The following ST8SIA6 variants were observed in gnomAD, a reference collection of about 807,000 sequenced individuals.
ST8SIA6 encodes ST8 alpha-N-acetyl-neuraminide alpha-2,8-sialyltransferase 6.
ST8SIA6 carries 39 observed loss-of-function variants against 33.6 expected under a neutral mutation model. The ratio of observed to expected loss-of-function variants is 1.16; its 90% confidence interval spans 0.90 to 1.52. The LOEUF is 1.52. Ranked by LOEUF, ST8SIA6 falls within the 40% of genes most tolerant of loss-of-function variation. ST8SIA6 has a pLI of 0.00. For missense variants in ST8SIA6, 441 were observed against 443.8 expected (o/e 0.99, Z 0.06); for synonymous variants, 172 against 167.2 (o/e 1.03, Z -0.22).
intron 5 of ST8SIA6, among the ~76,000 whole-genome samples, chr10:17,329,491 T>C (rs1341497691): frequency 6.6e-6 from 1 of 152,256 alleles, no homozygotes. Flanking sequence ...GAATGGTTCC[T>C]AGATACCTCA....
chr10:17,328,997 A>T (rs531041843), intron 5 of ST8SIA6, among the ~76,000 whole-genome samples: 1 of 152,296 alleles, frequency 6.6e-6, no homozygotes, highest in African/African-American at 2.4e-5. Flanking sequence ...TACCAGCCCA[A>T]CTGACAACAG....
chr10:17,412,612 G>T (rs1851488059), intron 2 of ST8SIA6, among the ~76,000 whole-genome samples: 1 of 152,090 alleles, frequency 6.6e-6, no homozygotes, highest in African/African-American at 2.4e-5. Context: ...GCTGCATCAC[G>T]GTATCCTTTT....
chr10:17,353,723 A>G (rs1849105289), intron 4 of ST8SIA6, among the ~76,000 whole-genome samples: 2 of 152,342 alleles, frequency 1.3e-5, no homozygotes, highest in South Asian at 4.1e-4. Context: ...TTTGAAAGGT[A>G]TCTCATTTGC....
intron 2 of ST8SIA6, among the ~76,000 whole-genome samples, chr10:17,400,448 C>A (rs1444073568): frequency 6.6e-6 from 1 of 152,160 alleles, no homozygotes; most frequent in African/African-American, 2.4e-5. Flanking sequence ...AGGAGAATTG[C>A]TTGAACCTAG....
At chr10:17,339,952 T>A (rs1848620855) in intron 4 of ST8SIA6, among the ~76,000 whole-genome samples, 1 of 152,172 alleles carries the variant, frequency 6.6e-6, no homozygotes, top group African/African-American at 2.4e-5. Context: ...CTTTATAGTG[T>A]TTGTGATCCT....
At chr10:17,356,696 T>C (rs1001344557) in intron 4 of ST8SIA6, among the ~76,000 whole-genome samples, 7 of 152,098 alleles carry the variant, frequency 4.6e-5, no homozygotes, top group Non-Finnish European at 7.4e-5. Flanking sequence ...CCTAAGATGT[T>C]TACTTAAATT....
At chr10:17,398,064 T>G (rs975539842) in intron 2 of ST8SIA6, among the ~76,000 whole-genome samples, 1 of 152,152 alleles carries the variant, frequency 6.6e-6, no homozygotes, top group Non-Finnish European at 1.5e-5. Context: ...CAGTGGCTCA[T>G]GCCTGTAATC....
intron 2 of ST8SIA6, among the ~76,000 whole-genome samples, chr10:17,395,396 C>T (rs979113315): frequency 2.8e-4 from 43 of 152,148 alleles, no homozygotes; most frequent in African/African-American, 9.6e-4. Flanking sequence ...TAAAACTAAC[C>T]AAGTTAGAAG....
At chr10:17,351,172 G>T (rs1248729832) in intron 4 of ST8SIA6, among the ~76,000 whole-genome samples, 1 of 151,726 alleles carries the variant, frequency 6.6e-6, no homozygotes, top group Non-Finnish European at 1.5e-5. Flanking sequence ...TTCACACCTG[G>T]CCTAGTGCAG....
At chr10:17,347,953 C>CAAAAAAAAAAAAAAAAAAAAAAAA (rs55996465) in intron 4 of ST8SIA6, among the ~76,000 whole-genome samples, 6 of 68,632 alleles carry the variant, frequency 8.7e-5, no homozygotes, top group Admixed American at 1.8e-4. Flanking sequence ...GACTCTGTCT[C>CAAAAAAAAAAAAAAAAAAAAAAAA]AAAAAAAAAA....
chr10:17,391,436 A>G (rs1270480411), intron 2 of ST8SIA6, among the ~76,000 whole-genome samples: 2 of 150,342 alleles, frequency 1.3e-5, no homozygotes, highest in Non-Finnish European at 3.0e-5. Context: ...AATTTTTTGT[A>G]TTTTTTTAGT....
chr10:17,345,529 C>T (rs543675095), intron 4 of ST8SIA6, among the ~76,000 whole-genome samples: 26 of 152,028 alleles, frequency 1.7e-4, no homozygotes, highest in African/African-American at 6.0e-4. Flanking sequence ...GGGGTAAAGA[C>T]TGTTTGAGAA....
Position 17,411,226 on chromosome 10 carries a change from G to A in ST8SIA6, c.201-20606C>T, listed in dbSNP as rs148936438. 9.9e-5 allele frequency among the ~76,000 whole-genome samples: 15 copies of A among 151,810 alleles called. No homozygotes were observed. In the East Asian group the frequency reaches 2.5e-3, roughly 26 times the overall value. On this transcript the variant is annotated intron_variant, in intron 2 of 7. Coordinates refer to ENST00000377602, the MANE Select transcript of ST8SIA6 (RefSeq NM_001004470.3). ...TGTGTGATAGAATTTCACTCTTGTC[G>A]CCCAGGCTGGAGTGCAGTGCGATCT...
intron 3 of ST8SIA6, among the ~76,000 whole-genome samples, chr10:17,375,588 G>A (rs544090125): frequency 6.6e-5 from 10 of 152,344 alleles, no homozygotes; most frequent in African/African-American, 2.4e-4. Context: ...GGTACAGCAT[G>A]AAATAGCTCA....
At chr10:17,448,412 G>C (rs1449923153) in intron 2 of ST8SIA6, among the ~76,000 whole-genome samples, 1 of 152,154 alleles carries the variant, frequency 6.6e-6, no homozygotes, top group African/African-American at 2.4e-5. Flanking sequence ...TAAAGCCAAA[G>C]TGGACAGCTG....
At chr10:17,358,411 A>C (rs1046252231) in intron 4 of ST8SIA6, among the ~76,000 whole-genome samples, 3 of 152,248 alleles carry the variant, frequency 2.0e-5, no homozygotes, top group Non-Finnish European at 4.4e-5. Flanking sequence ...ATTTTAGGGG[A>C]AAGCAAAATC....
chr10:17,440,129 A>G (rs1852421602), intron 2 of ST8SIA6, among the ~76,000 whole-genome samples: 1 of 152,162 alleles, frequency 6.6e-6, no homozygotes, highest in South Asian at 2.1e-4. Flanking sequence ...AAATTACTCC[A>G]CAACTCCTGG....
At chr10:17,411,151 T>C (rs1414525432) in intron 2 of ST8SIA6, among the ~76,000 whole-genome samples, 2 of 151,616 alleles carry the variant, frequency 1.3e-5, no homozygotes, top group South Asian at 2.1e-4. Flanking sequence ...GGAATAACCC[T>C]ACCCAACAGA....
intron 4 of ST8SIA6, among the ~76,000 whole-genome samples, chr10:17,357,764 T>G (rs1040436068): frequency 2.0e-5 from 3 of 152,176 alleles, no homozygotes; most frequent in African/African-American, 7.2e-5. Flanking sequence ...CAGCCAGAAG[T>G]AAAAGCTCCT....
Sources: gnomAD v4.1 joint callset for allele counts (sites outside exome capture counted in the v4.1 genomes callset) on GRCh38, gnomAD v4.1.1 for gene constraint, MANE v1.5 for transcripts, NCBI Gene and HGNC (gene_info 2026-07-23, HGNC 2026-07-21) for gene names.